Variants in DLG1 observed in about 807,000 individuals in gnomAD.
DLG1 encodes the protein discs large MAGUK scaffold protein 1.
Under a neutral mutation model 123.4 loss-of-function variants are expected in DLG1, and 42 were observed. The observed-to-expected ratio is 0.34, with a 90% confidence interval of 0.27 to 0.44. The LOEUF (loss-of-function observed/expected upper bound fraction) is 0.44, where lower values mean the gene tolerates loss of function less well. DLG1 is among the 20% of genes least tolerant of loss of function. The probability of loss-of-function intolerance (pLI) is 1.00; values close to 1 mark genes in which losing one functional copy is unlikely to be tolerated. For missense variants in DLG1, 942 were observed against 1,082.6 expected (o/e 0.87, Z 1.82); for synonymous variants, 317 against 356.2 (o/e 0.89, Z 1.24).
At chr3:197,108,830 C>T (rs1344930519) in intron 13 of DLG1, among the ~76,000 whole-genome samples, 1 of 152,034 alleles carries the variant, frequency 6.6e-6, no homozygotes, top group Admixed American at 6.6e-5. Flanking sequence ...ACATCTTTGG[C>T]CTTTTAACTG....
At chr3:197,168,950 C>T (rs906769374) in intron 5 of DLG1, among the ~76,000 whole-genome samples, 3 of 152,154 alleles carry the variant, frequency 2.0e-5, no homozygotes, top group Non-Finnish European at 4.4e-5. Context: ...ATATATTGTA[C>T]ATATTTTAAA....
intron 14 of DLG1, among the ~76,000 whole-genome samples, chr3:197,099,939 G>C (rs73208287): frequency 6.6e-6 from 1 of 152,052 alleles, no homozygotes; most frequent in African/African-American, 2.4e-5. Flanking sequence ...CAAAACCCGT[G>C]CATGTTCAAG....
At chr3:197,242,740 C>T (rs1299008392) in intron 4 of DLG1, among the ~76,000 whole-genome samples, 1 of 152,118 alleles carries the variant, frequency 6.6e-6, no homozygotes, top group Non-Finnish European at 1.5e-5. Flanking sequence ...GGAAACACAA[C>T]ATACCAAAGC....
chr3:197,186,337 A>G (rs970881244), intron 5 of DLG1, among the ~76,000 whole-genome samples: 6 of 152,260 alleles, frequency 3.9e-5, no homozygotes, highest in Non-Finnish European at 7.3e-5. Flanking sequence ...TAAGTTCATT[A>G]AAGAAAAACC....
intron 4 of DLG1, among the ~76,000 whole-genome samples, chr3:197,196,807 ATAC>A (rs1401780269): frequency 6.6e-6 from 1 of 152,242 alleles, no homozygotes; most frequent in African/African-American, 2.4e-5. Flanking sequence ...AGATATTTAT[ATAC>A]ACATGACATG....
At chr3:197,185,405 T>C (rs11923220) in intron 5 of DLG1, among the ~76,000 whole-genome samples, 18,975 of 152,234 alleles carry the variant, frequency 0.12, 1,246 homozygotes, top group Middle Eastern at 0.15. Context: ...TGTGGGACTC[T>C]TGAGGGCAAG....
chr3:197,046,499 T>C (rs1723173966), intron 24 of DLG1, among the ~76,000 whole-genome samples: 1 of 152,210 alleles, frequency 6.6e-6, no homozygotes, highest in Non-Finnish European at 1.5e-5. Flanking sequence ...TTGCTATTCC[T>C]GCCCCAAATG....
At chr3:197,190,483 G>A (rs1044508549) in intron 5 of DLG1, among the ~76,000 whole-genome samples, 2 of 152,168 alleles carry the variant, frequency 1.3e-5, no homozygotes, top group Non-Finnish European at 2.9e-5. Context: ...TTTGAAATCT[G>A]CATTTGTTTC....
At chr3:197,097,163 G>A (rs536120355) in intron 14 of DLG1, among the ~76,000 whole-genome samples, 1 of 152,292 alleles carries the variant, frequency 6.6e-6, no homozygotes, top group East Asian at 1.9e-4. Context: ...TTAGTGTGGG[G>A]CTTTAAATGG....
intron 17 of DLG1, 28 bp downstream of exon 17, chr3:197,081,023 C>A (rs1373405123): frequency 6.3e-7 from 1 of 1,596,734 alleles, no homozygotes; most frequent in East Asian, 2.2e-5. Flanking sequence ...ACAGGAATTA[C>A]AAAAATGTAG....
At chr3:197,289,319 G>C (rs2151220569) in intron 3 of DLG1, among the ~76,000 whole-genome samples, 1 of 147,656 alleles carries the variant, frequency 6.8e-6, no homozygotes, top group Non-Finnish European at 1.5e-5. Context: ...TGAAGGTGGG[G>C]GGTGGCGTGT....
rs147642109 is a variant in DLG1 at position 197,217,232 on chromosome 3, A to G, written c.319-22643T>C. ...GTAAGCTGACAACTGTTGAAGGTAGATAAGTACACAAAGGTGGATGAAAGG... is the reference window on the plus strand; with the variant it reads ...GTAAGCTGACAACTGTTGAAGGTAGGTAAGTACACAAAGGTGGATGAAAGG... On this transcript the variant is annotated intron_variant, in intron 4 of 24. Coordinates refer to ENST00000667157, the MANE Select transcript of DLG1 (RefSeq NM_001366207.1). Among the ~76,000 whole-genome samples the G allele has an allele frequency of 3.9e-5, 6 of 152,324 alleles. No individual in the cohort carries two copies. The East Asian group carries it at 1.2e-3, about 29-fold the overall frequency.
intron 15 of DLG1, among the ~76,000 whole-genome samples, chr3:197,086,310 T>TA (rs1754322598): frequency 6.6e-6 from 1 of 152,212 alleles, no homozygotes; most frequent in African/African-American, 2.4e-5. Context: ...CTGCCAAATA[T>TA]TTTGGAGAAA....
intron 6 of DLG1, among the ~76,000 whole-genome samples, chr3:197,145,695 G>A (rs762305935): frequency 5.3e-5 from 8 of 152,120 alleles, no homozygotes; most frequent in Admixed American, 2.0e-4. Context: ...TCACAAGGTA[G>A]GTGCTCAGTA....
intron 15 of DLG1, among the ~76,000 whole-genome samples, chr3:197,086,734 G>C (rs776080077): frequency 1.3e-5 from 2 of 152,116 alleles, no homozygotes; most frequent in Non-Finnish European, 2.9e-5. Flanking sequence ...TCGTTAAGCA[G>C]GAGGGCTCAC....
chr3:197,119,804 T>C (rs73084561), intron 11 of DLG1, among the ~76,000 whole-genome samples: 2,426 of 152,192 alleles, frequency 0.016, 67 homozygotes, highest in African/African-American at 0.054. Context: ...TTATATACAG[T>C]CCAAATTTGA....
At chr3:197,235,285 G>A (rs1357616944) in intron 4 of DLG1, among the ~76,000 whole-genome samples, 1 of 152,210 alleles carries the variant, frequency 6.6e-6, no homozygotes, top group Non-Finnish European at 1.5e-5. Context: ...ACTGGAATGT[G>A]CAAGGCAGAA....
Position 197,208,894 on chromosome 3 carries a change from C to G in DLG1, c.319-14305G>C, listed in dbSNP as rs1459882629. Reference sequence around the variant, plus strand: ...GCCATGTGAATGTATTATTCATTCACAAAATTACCTTTAGAATGAAAAAAA... The same window carrying G: ...GCCATGTGAATGTATTATTCATTCAGAAAATTACCTTTAGAATGAAAAAAA... On this transcript the variant is annotated intron_variant, in intron 4 of 24. Transcript: ENST00000667157. 1.4e-5 allele frequency among the ~76,000 whole-genome samples: 2 copies of G among 144,970 alleles called. 1 individual carries two copies. Among genetic ancestry groups the G allele is most frequent in the Admixed American group, 1.4e-4 (2 of 14,406 alleles).
chr3:197,121,428 T>C (rs1216917184), intron 11 of DLG1, among the ~76,000 whole-genome samples: 1 of 152,020 alleles, frequency 6.6e-6, no homozygotes, highest in Non-Finnish European at 1.5e-5. Flanking sequence ...GAAGTGAGAA[T>C]GGGAAAAGAC....
Sources: allele counts gnomAD v4.1 joint callset (sites outside exome capture counted in the v4.1 genomes callset), GRCh38; gene constraint gnomAD v4.1.1; transcripts MANE v1.5; gene names NCBI Gene and HGNC (gene_info 2026-07-23, HGNC 2026-07-21).